STAG1: variants seen among roughly 807,000 people sequenced by gnomAD.
STAG1 encodes STAG1 cohesin complex component.
A neutral mutation model predicts 170.9 loss-of-function variants in STAG1; 26 were observed. That is an observed-to-expected ratio of 0.15 (90% CI 0.11 to 0.21). The LOEUF (loss-of-function observed/expected upper bound fraction) is 0.21. Ranked by LOEUF, STAG1 falls within the 10% of genes least tolerant of loss-of-function variation. The probability of loss-of-function intolerance (pLI) is 1.00; values close to 1 mark genes in which losing one functional copy is unlikely to be tolerated. For synonymous variants in STAG1, 514 were observed against 497.7 expected (o/e 1.03, Z -0.44); for missense variants, 964 against 1,509.5 (o/e 0.64, Z 5.99).
chr3:136,356,170 C>T (rs556826396), intron 28 of STAG1, among the ~76,000 whole-genome samples: 6 of 151,456 alleles, frequency 4.0e-5, no homozygotes, highest in South Asian at 2.1e-4. Context: ...GATTCCAGGT[C>T]GGAACCACTG....
chr3:136,634,440 AATC>A, intron 1 of STAG1, among the ~76,000 whole-genome samples: 1 of 152,158 alleles, frequency 6.6e-6, no homozygotes, highest in South Asian at 2.1e-4. Flanking sequence ...ACATATAAAA[AATC>A]ATAAAGTTAT....
At chr3:136,535,452 CAGG>C (rs1935572517) in intron 6 of STAG1, among the ~76,000 whole-genome samples, 1 of 152,200 alleles carries the variant, frequency 6.6e-6, no homozygotes, top group Non-Finnish European at 1.5e-5. Context: ...CACTTGAGGA[CAGG>C]AGTTCAAGAC....
chr3:136,366,981 T>C lies in STAG1; in HGVS notation c.2647A>G (p.Met883Val). 6.2e-7 allele frequency: 1 copy of C among 1,610,228 alleles called. No individual in the cohort carries two copies. ...SKLIIYDIVD[M>V]HAAADIFKHY... ...TTGAAGATGTCTGCAGCTGCATGCA[T>C]GTCAACAATGTCATAAATGATAAGT... The change falls in exon 25 of 34, where the codon ATG (methionine) becomes GTG (valine). Residue 883 changes from methionine (M) to valine (V), a missense_variant. Physicochemically the swap from Met to Val is conservative, Grantham distance 21. Around this residue, in one of 11 missense-constraint regions of STAG1, gnomAD observed 149 missense variants for 301.3 expected, o/e 0.49. Coordinates refer to ENST00000383202, the MANE Select transcript of STAG1 (RefSeq NM_005862.3).
intron 1 of STAG1, among the ~76,000 whole-genome samples, chr3:136,657,759 T>A (rs570210094): frequency 1.3e-5 from 2 of 152,098 alleles, no homozygotes; most frequent in South Asian, 4.1e-4. Context: ...AAGGCACAGG[T>A]TGCAGTGAGC....
intron 13 of STAG1, among the ~76,000 whole-genome samples, chr3:136,456,889 C>T (rs2089128259): frequency 1.3e-5 from 2 of 152,128 alleles, no homozygotes; most frequent in African/African-American, 4.8e-5. Flanking sequence ...AACTGCTATC[C>T]AAGAATACTG....
At chr3:136,747,225 A>ATCATGCC (rs1474317326) in intron 1 of STAG1, among the ~76,000 whole-genome samples, 2 of 150,984 alleles carry the variant, frequency 1.3e-5, no homozygotes, top group Admixed American at 1.3e-4. Flanking sequence ...GTAAGCGAAG[A>ATCATGCC]TCATGCCACT....
chr3:136,635,250 G>T (rs1252224641), intron 1 of STAG1, among the ~76,000 whole-genome samples: 2 of 152,042 alleles, frequency 1.3e-5, no homozygotes, highest in Non-Finnish European at 2.9e-5. Flanking sequence ...AACACACAAT[G>T]TGTAAAAAGA....
intron 22 of STAG1, among the ~76,000 whole-genome samples, chr3:136,385,654 A>G (rs1031426300): frequency 6.6e-6 from 1 of 152,170 alleles, no homozygotes; most frequent in African/African-American, 2.4e-5. Flanking sequence ...CCATATATAA[A>G]AGGGCTAAAA....
intron 3 of STAG1, among the ~76,000 whole-genome samples, chr3:136,622,762 A>G (rs950711532): frequency 6.6e-6 from 1 of 152,156 alleles, no homozygotes; most frequent in Non-Finnish European, 1.5e-5. Context: ...AAACTTCCCA[A>G]TCAGGTTATC....
intron 1 of STAG1, among the ~76,000 whole-genome samples, chr3:136,639,719 T>C (rs888451973): frequency 6.6e-6 from 1 of 152,166 alleles, no homozygotes; most frequent in Admixed American, 6.6e-5. Flanking sequence ...ATGATTTTCA[T>C]ACAGAAATCA....
At chr3:136,349,389 G>T in intron 28 of STAG1, 26 bp from the exon 29 acceptor site, 1 of 1,561,428 alleles carries the variant, frequency 6.4e-7, no homozygotes, top group Non-Finnish European at 8.8e-7. Context: ...AAACAGCAGT[G>T]ATTTTCAGAG....
In STAG1 at chr3:136,418,355, G is replaced by A. The variant is rs1267565918; in HGVS notation, c.2109-383C>T. Reference sequence around the variant, plus strand: ...AGCCTGGGTAACTGAGCAAGACTCTGTCTCCAAAAAAAAAAAAAAAAAAAA... The same window carrying A: ...AGCCTGGGTAACTGAGCAAGACTCTATCTCCAAAAAAAAAAAAAAAAAAAA... On this transcript the variant is annotated intron_variant, in intron 20 of 33. Coordinates refer to ENST00000383202, the MANE Select transcript of STAG1 (RefSeq NM_005862.3). Among the ~76,000 whole-genome samples, 33 of 54,788 alleles carry A rather than the reference G, an allele frequency of 6.0e-4. No homozygotes were observed. In the Admixed American group the frequency reaches 0.011, roughly 18 times the overall value. The allele number at this position is 54,788 out of a possible 152,430, so 35.9% of individuals were successfully genotyped here.
intron 5 of STAG1, among the ~76,000 whole-genome samples, chr3:136,545,461 C>T (rs886423974): frequency 5.3e-5 from 8 of 152,108 alleles, no homozygotes; most frequent in African/African-American, 1.4e-4. Flanking sequence ...TAGAAAAAAT[C>T]TGAGTCAGGA....
chr3:136,596,436 T>C (rs1035525083), intron 4 of STAG1, among the ~76,000 whole-genome samples: 4 of 152,154 alleles, frequency 2.6e-5, no homozygotes, highest in Non-Finnish European at 5.9e-5. Context: ...GACATAATAA[T>C]ATTGCACACA....
chr3:136,349,226 C>G lies in STAG1; in HGVS notation c.3203G>C (p.Ser1068Thr). ...DDRMSVNSGS[S>T]SSKTSSVRNK... ...CCTTACTGATGAGGTTTTGCTGCTG[C>G]TACTTCCACTGTTCACAGACATTCT... Residue 1068 changes from serine (S) to threonine (T), a missense_variant, in exon 29 of 34, where the codon AGC becomes ACC. Ser to Thr is a moderately conservative substitution (Grantham distance 58). This residue lies in a region of STAG1 where 149 missense variants were observed against 301.3 expected (regional missense o/e 0.49). Coordinates refer to ENST00000383202, the MANE Select transcript of STAG1 (RefSeq NM_005862.3). The G allele has an allele frequency of 1.9e-6, 3 of 1,614,144 alleles. No homozygotes were observed. Among genetic ancestry groups the G allele is most frequent in the Non-Finnish European group, 2.5e-6 (3 of 1,180,012 alleles).
In STAG1 at chr3:136,338,118, G is replaced by A. The variant is rs1236645568; in HGVS notation, c.*136C>T. The stretch of plus-strand genomic sequence containing the variant: ...TGCTCCTCTTCTGTCACTGCAAAAA[G>A]GGATTGACCTTAATCATTTGATTAA... On this transcript the variant is annotated 3_prime_UTR_variant, in exon 34 of 34. Transcript: ENST00000383202. The A allele has an allele frequency of 1.7e-5, 11 of 633,634 alleles. No homozygotes were observed. Among genetic ancestry groups the A allele is most frequent in the Non-Finnish European group, 3.1e-5 (11 of 356,188 alleles). The allele number at this position is 633,634 out of a possible 1,614,324, so 39.3% of individuals were successfully genotyped here. A position where few individuals can be genotyped will look rare whatever the true frequency, so the allele number is the denominator to read the frequency against.
Position 136,419,628 on chromosome 3 carries a change from T to G in STAG1, c.2108+1465A>C, listed in dbSNP as rs1257501411. Among the ~76,000 whole-genome samples, 591 of 150,630 alleles carry G rather than the reference T, an allele frequency of 3.9e-3. 2 individuals carry two copies. Among genetic ancestry groups the G allele is most frequent in the Middle Eastern group, 0.028 (8 of 290 alleles). On this transcript the variant is annotated intron_variant, in intron 20 of 33. Coordinates refer to ENST00000383202, the MANE Select transcript of STAG1 (RefSeq NM_005862.3). ...CCCGGCTAATTTTTGTGTGTGTTTTTTTTTTTTTTTTTTTAGCAGAGATGG... is the reference window on the plus strand; with the variant it reads ...CCCGGCTAATTTTTGTGTGTGTTTTGTTTTTTTTTTTTTTAGCAGAGATGG...
At chr3:136,510,159 T>A (rs1933976124) in intron 7 of STAG1, among the ~76,000 whole-genome samples, 1 of 152,176 alleles carries the variant, frequency 6.6e-6, no homozygotes, top group African/African-American at 2.4e-5. Context: ...TGGCTCTGTG[T>A]CTCCACCCAA....
chr3:136,571,641 G>A (rs1000592117), intron 4 of STAG1, among the ~76,000 whole-genome samples: 1 of 152,134 alleles, frequency 6.6e-6, no homozygotes, highest in Non-Finnish European at 1.5e-5. Flanking sequence ...GGAGGCCAAG[G>A]CAGGAGGATG....
Sources: gnomAD v4.1 joint callset for allele counts (sites outside exome capture counted in the v4.1 genomes callset) on GRCh38, gnomAD v4.1.1 for gene constraint, gnomAD v4.1.1 regional missense constraint, MANE v1.5 for transcripts, NCBI Gene and HGNC (gene_info 2026-07-23, HGNC 2026-07-21) for gene names.